The following CDH19 variants were observed in gnomAD, a reference collection of about 807,000 sequenced individuals.
The protein encoded by CDH19 is cadherin 19, also known as cadherin-19.
A neutral mutation model predicts 64.2 loss-of-function variants in CDH19; 67 were observed. The ratio of observed to expected loss-of-function variants is 1.04; its 90% CI spans 0.86 to 1.28. The LOEUF (loss-of-function observed/expected upper bound fraction) is 1.28, where lower values mean the gene tolerates loss of function less well. CDH19 is among the 50% of genes most tolerant of loss of function. The pLI, the probability that CDH19 is intolerant of heterozygous loss-of-function variation, is 0.00. For synonymous variants in CDH19, 346 were observed against 319.3 expected (o/e 1.08, Z -0.89); for missense variants, 1,030 against 929.0 (o/e 1.11, Z -1.41).
Position 66,517,484 on chromosome 18 carries a change from C to T in CDH19, c.1459-5799G>A, listed in dbSNP as rs573598290. ...AGCTCATTTATTATATTAATATTTGCAAATTGCTGAAAATTCTCTCCTACT... is the reference window on the plus strand; with the variant it reads ...AGCTCATTTATTATATTAATATTTGTAAATTGCTGAAAATTCTCTCCTACT... On this transcript the variant is annotated intron_variant, in intron 9 of 11. Coordinates refer to ENST00000262150, the MANE Select transcript of CDH19 (RefSeq NM_021153.4). Among the ~76,000 whole-genome samples, 43 of 152,076 alleles carry T rather than the reference C, an allele frequency of 2.8e-4. 1 individual carries two copies. In the South Asian group the frequency reaches 6.6e-3, roughly 23 times the overall value.
intron 3 of CDH19, among the ~76,000 whole-genome samples, chr18:66,558,547 C>T (rs894851385): frequency 7.3e-5 from 11 of 151,678 alleles, no homozygotes; most frequent in Non-Finnish European, 1.5e-4. Context: ...AAAGAGATCA[C>T]AATAATAATT....
intron 2 of CDH19, among the ~76,000 whole-genome samples, chr18:66,571,186 G>A (rs1222549408): frequency 2.6e-5 from 4 of 151,584 alleles, no homozygotes; most frequent in Non-Finnish European, 5.9e-5. Flanking sequence ...TTGGTTGAAT[G>A]TACTCATATA....
chr18:66,550,951 AT>A (rs1249513580), intron 5 of CDH19, 142 bp downstream of exon 5: 1 of 489,610 alleles, frequency 2.0e-6, no homozygotes, highest in African/African-American at 2.0e-5. Flanking sequence ...AATTAAAATA[AT>A]CATACCAGAA....
intron 11 of CDH19, 60 bp from the exon 12 acceptor site, chr18:66,505,362 G>A (rs1568168132): frequency 7.9e-7 from 1 of 1,264,210 alleles, no homozygotes; most frequent in East Asian, 2.4e-5. Flanking sequence ...AAACATTACA[G>A]TCTTTGCTCT....
chr18:66,585,456 T>C (rs1467705216), intron 1 of CDH19, among the ~76,000 whole-genome samples: 1 of 152,030 alleles, frequency 6.6e-6, no homozygotes, highest in Non-Finnish European at 1.5e-5. Flanking sequence ...CTTGGACGAA[T>C]AGCTCGACCT....
At chr18:66,586,135 C>G (rs1988571435) in intron 1 of CDH19, among the ~76,000 whole-genome samples, 1 of 151,878 alleles carries the variant, frequency 6.6e-6, no homozygotes, top group African/African-American at 2.4e-5. Context: ...ATATTGAGCT[C>G]AACTAAGCCC....
chr18:66,538,970 T>C (rs949955899), intron 7 of CDH19, among the ~76,000 whole-genome samples: 5 of 152,132 alleles, frequency 3.3e-5, no homozygotes, highest in Non-Finnish European at 7.4e-5. Context: ...CTCTATTTCT[T>C]AACAAGGCCA....
At chr18:66,531,419 G>A (rs972899855) in intron 8 of CDH19, among the ~76,000 whole-genome samples, 16 of 152,190 alleles carry the variant, frequency 1.1e-4, no homozygotes, top group African/African-American at 3.9e-4. Flanking sequence ...GAGTTTGAGA[G>A]CAGCCTGAGC....
At chr18:66,560,487 G>GA (rs1017323304) in intron 3 of CDH19, among the ~76,000 whole-genome samples, 8 of 150,752 alleles carry the variant, frequency 5.3e-5, no homozygotes, top group African/African-American at 1.7e-4. Flanking sequence ...TAAATAATAA[G>GA]AAAAATAAGA....
intron 1 of CDH19, among the ~76,000 whole-genome samples, chr18:66,593,770 G>T (rs568046502): frequency 1.3e-5 from 2 of 152,184 alleles, no homozygotes; most frequent in East Asian, 3.9e-4. Context: ...CTGTATAGCT[G>T]AAGAGAAGTT....
chr18:66,598,498 T>C (rs1466503823), intron 1 of CDH19, among the ~76,000 whole-genome samples: 2 of 152,232 alleles, frequency 1.3e-5, no homozygotes, highest in East Asian at 1.9e-4. Flanking sequence ...AATGGAATAC[T>C]ATACAGCCAT....
Position 66,556,625 on chromosome 18 carries a change from T to G in CDH19, c.491-2101A>C, listed in dbSNP as rs563127866. On this transcript the variant is annotated intron_variant, in intron 3 of 11. Transcript: ENST00000262150. ...TCTTCTTTGATGAGACTTAATAATA[T>G]TCCACTGTAAATATATGACACAGTT... Among the ~76,000 whole-genome samples the G allele has an allele frequency of 7.2e-5, 11 of 152,016 alleles. 1 individual carries two copies. Among genetic ancestry groups the G allele is most frequent in the African/African-American group, 2.6e-4 (11 of 41,528 alleles).
intron 5 of CDH19, among the ~76,000 whole-genome samples, chr18:66,548,268 T>TTAAA (rs1555687815): frequency 4.0e-4 from 58 of 146,068 alleles, no homozygotes; most frequent in African/African-American, 1.3e-3. Flanking sequence ...TATATTTTTT[T>TTAAA]AAAAATATAT....
chr18:66,553,809 C>T (rs1402860749), intron 4 of CDH19, among the ~76,000 whole-genome samples: 1 of 134,036 alleles, frequency 7.5e-6, no homozygotes, highest in East Asian at 1.9e-4. Flanking sequence ...CTGTGTTCTA[C>T]TTATTTTATA....
At chr18:66,518,240 T>C (rs1205766118) in intron 9 of CDH19, among the ~76,000 whole-genome samples, 1 of 152,084 alleles carries the variant, frequency 6.6e-6, no homozygotes, top group Non-Finnish European at 1.5e-5. Flanking sequence ...CTTATTTATT[T>C]ATTTATTTTT....
chr18:66,573,385 A>C (rs1368587356), intron 1 of CDH19, among the ~76,000 whole-genome samples: 1 of 151,586 alleles, frequency 6.6e-6, no homozygotes, highest in African/African-American at 2.4e-5. Context: ...TTGTTAAAAA[A>C]CACCTAATTA....
chr18:66,527,481 G>A (rs920758495), intron 9 of CDH19, among the ~76,000 whole-genome samples: 8 of 151,994 alleles, frequency 5.3e-5, no homozygotes, highest in African/African-American at 1.9e-4. Flanking sequence ...AAGTGTGGTC[G>A]CTTACGCCTG....
At chr18:66,603,545 T>C (rs1989088993) in intron 1 of CDH19, among the ~76,000 whole-genome samples, 1 of 151,870 alleles carries the variant, frequency 6.6e-6, no homozygotes. Flanking sequence ...AACTCTATTG[T>C]TCATATTACC....
chr18:66,592,461 C>T (rs954745831), intron 1 of CDH19, among the ~76,000 whole-genome samples: 4 of 151,708 alleles, frequency 2.6e-5, no homozygotes, highest in Non-Finnish European at 5.9e-5. Flanking sequence ...CTGTACAGTG[C>T]TATAGAAAAG....
Sources: gnomAD v4.1 joint callset for allele counts (sites outside exome capture counted in the v4.1 genomes callset) on GRCh38, gnomAD v4.1.1 for gene constraint, MANE v1.5 for transcripts, NCBI Gene and HGNC (gene_info 2026-07-23, HGNC 2026-07-21) for gene names.